The following DPF3 variants were observed in gnomAD, a reference collection of about 807,000 sequenced individuals.
The protein encoded by DPF3 is double PHD fingers 3.
Under a neutral mutation model 56.8 loss-of-function variants are expected in DPF3, and 18 were observed. The ratio of observed to expected loss-of-function variants is 0.32; its 90% confidence interval spans 0.22 to 0.47. DPF3 has a LOEUF of 0.47. DPF3 is among the 20% of genes least tolerant of loss of function. The pLI, the probability that DPF3 is intolerant of heterozygous loss-of-function variation, is 1.00. For synonymous variants in DPF3, 188 were observed against 180.2 expected (o/e 1.04, Z -0.35); for missense variants, 403 against 488.8 (o/e 0.82, Z 1.65).
chr14:72,845,364 G>T (rs544433887), intron 1 of DPF3, among the ~76,000 whole-genome samples: 1 of 151,794 alleles, frequency 6.6e-6, no homozygotes, highest in Non-Finnish European at 1.5e-5. Context: ...ACACCTAGAG[G>T]TCAAGTCCAA....
intron 1 of DPF3, among the ~76,000 whole-genome samples, chr14:72,875,406 C>T (rs962942267): frequency 1.5e-4 from 23 of 151,958 alleles, no homozygotes; most frequent in Non-Finnish European, 2.9e-5. Flanking sequence ...GACCCTGTCT[C>T]AAAAAAAGGA....
Position 72,610,274 on chromosome 14 carries a change from T to C in DPF3, c.*9023A>G, listed in dbSNP as rs912587647. Among the ~76,000 whole-genome samples the C allele has an allele frequency of 2.6e-5, 4 of 152,206 alleles. No individual in the cohort carries two copies. Among genetic ancestry groups the C allele is most frequent in the African/African-American group, 7.2e-5 (3 of 41,466 alleles). On this transcript the variant is annotated 3_prime_UTR_variant, in exon 11 of 11. Coordinates refer to ENST00000556509, the MANE Select transcript of DPF3 (RefSeq NM_001280542.3). ...CAACTAGAGGGCATCCAAGGCCTGG[T>C]GGAGCCTGTGCAGGCCTGAGCTTCC...
In DPF3 at chr14:72,667,129, A is replaced by AT. The variant is rs966944051; in HGVS notation, c.871+7110dup. Among the ~76,000 whole-genome samples, 74 of 151,610 alleles carry AT rather than the reference A, an allele frequency of 4.9e-4. 1 individual carries two copies. Among genetic ancestry groups the AT allele is most frequent in the African/African-American group, 1.5e-3 (61 of 41,324 alleles). ...GGGATGCTATTGATGTGAACATCAC[A>AT]TTTTTTTTTATTAAATTCTTCTCTC... is the stretch of plus-strand genomic sequence containing the variant. On this transcript the variant is annotated intron_variant, in intron 8 of 10. Coordinates refer to ENST00000556509, the MANE Select transcript of DPF3 (RefSeq NM_001280542.3).
At chr14:72,808,676 A>G (rs8003449) in intron 1 of DPF3, among the ~76,000 whole-genome samples, 1,721 of 152,338 alleles carry the variant, frequency 0.011, 29 homozygotes, top group African/African-American at 0.039. Flanking sequence ...GATGCCTCCT[A>G]TTCTGGGAGG....
chr14:72,870,907 T>A (rs1235505674), intron 1 of DPF3, among the ~76,000 whole-genome samples: 2 of 152,200 alleles, frequency 1.3e-5, no homozygotes, highest in Non-Finnish European at 2.9e-5. Context: ...AAACCCTGTC[T>A]CTATTTGTAT....
chr14:72,821,133 C>CAAAA (rs976081670), intron 1 of DPF3, among the ~76,000 whole-genome samples: 49 of 116,890 alleles, frequency 4.2e-4, no homozygotes, highest in South Asian at 1.3e-3. Flanking sequence ...AACTCTATCT[C>CAAAA]AAAAAAAAAA....
chr14:72,671,390 T>C (rs1886669007), intron 8 of DPF3: 3 of 1,599,852 alleles, frequency 1.9e-6, no homozygotes, highest in Admixed American at 1.7e-5. Context: ...CAGACAGCAT[T>C]ATTAATATTC....
chr14:72,749,879 TAAGA>T lies in DPF3; in HGVS notation c.301+3381_301+3384del, dbSNP rs1890493325. Among the ~76,000 whole-genome samples, 3 of 140,412 alleles carry T rather than the reference TAAGA, an allele frequency of 2.1e-5. No homozygotes were observed. The South Asian group carries it at 6.8e-4, about 32-fold the overall frequency. 92.1% of individuals were successfully genotyped at this position (140,412 alleles called of 152,430 possible). On this transcript the variant is annotated intron_variant, in intron 3 of 10. Coordinates refer to ENST00000556509, the MANE Select transcript of DPF3 (RefSeq NM_001280542.3). Reference sequence around the variant, plus strand: ...AAAAAGAAAAGAAAAGAAAAAAAAGTAAGAAAGAGAGAGAGAGGTAAAGAGAGAC... The same window carrying T: ...AAAAAGAAAAGAAAAGAAAAAAAAGTAAGAGAGAGAGAGGTAAAGAGAGAC...
intron 1 of DPF3, chr14:72,853,136 T>C (rs867005778): frequency 2.6e-5 from 4 of 151,936 alleles, no homozygotes; most frequent in African/African-American, 9.7e-5. Context: ...GGGAACAGAA[T>C]GGACAGACAG....
intron 1 of DPF3, among the ~76,000 whole-genome samples, chr14:72,893,660 C>T (rs1886866894): frequency 6.6e-6 from 1 of 151,912 alleles, no homozygotes; most frequent in African/African-American, 2.4e-5. Flanking sequence ...CACTGCCCGA[C>T]GCTCGCCCCC....
In DPF3 at chr14:72,886,526, A is replaced by G. The variant is rs117946451; in HGVS notation, c.32+7531T>C. 2.9e-3 allele frequency among the ~76,000 whole-genome samples: 448 copies of G among 152,292 alleles called. 1 individual carries two copies. The highest frequency in any genetic ancestry group is 5.2e-3 in the Non-Finnish European group (351 of 68,040). On this transcript the variant is annotated intron_variant, in intron 1 of 10. Coordinates refer to ENST00000556509, the MANE Select transcript of DPF3 (RefSeq NM_001280542.3). ...ATTAGAAATAAATGTACTTAATGCCACTGAAATGCACACTTTAAAATGGCT... is the reference window on the plus strand; with the variant it reads ...ATTAGAAATAAATGTACTTAATGCCGCTGAAATGCACACTTTAAAATGGCT...
intron 8 of DPF3, among the ~76,000 whole-genome samples, chr14:72,660,138 G>A (rs1259663583): frequency 2.0e-5 from 3 of 151,914 alleles, no homozygotes; most frequent in Non-Finnish European, 2.9e-5. Context: ...ATGGTTGCAC[G>A]ACAATGTAAA....
At chr14:72,642,903 C>A (rs1037136852) in intron 8 of DPF3, among the ~76,000 whole-genome samples, 6 of 152,232 alleles carry the variant, frequency 3.9e-5, no homozygotes, top group Non-Finnish European at 8.8e-5. Flanking sequence ...TGTTTGGATA[C>A]TTTAATGATC....
intron 1 of DPF3, among the ~76,000 whole-genome samples, chr14:72,805,651 GC>G (rs1172332296): frequency 6.6e-6 from 1 of 152,120 alleles, no homozygotes; most frequent in Non-Finnish European, 1.5e-5. Flanking sequence ...TTCAAGACCA[GC>G]CTGGCCAACA....
chr14:72,826,858 T>C (rs1441673379), intron 1 of DPF3, among the ~76,000 whole-genome samples: 1 of 152,016 alleles, frequency 6.6e-6, no homozygotes, highest in Admixed American at 6.6e-5. Context: ...CTGGCAAAGA[T>C]GGTGAAACCC....
chr14:72,685,074 A>G (rs1029328680), intron 7 of DPF3, among the ~76,000 whole-genome samples: 21 of 152,252 alleles, frequency 1.4e-4, no homozygotes, highest in Non-Finnish European at 2.9e-4. Context: ...AATTGTGAGA[A>G]ATAAATTCCG....
intron 5 of DPF3, among the ~76,000 whole-genome samples, chr14:72,723,161 T>C (rs1027082246): frequency 3.9e-5 from 6 of 152,084 alleles, no homozygotes; most frequent in African/African-American, 1.4e-4. Context: ...ATATTAGGTA[T>C]ATCTCCTAAT....
rs144757228 is a variant in DPF3 at position 72,624,563 on chromosome 14, G to A, written c.985-4579C>T. Among the ~76,000 whole-genome samples the A allele has an allele frequency of 1.8e-3, 272 of 152,038 alleles. 1 individual carries two copies. Among genetic ancestry groups the A allele is most frequent in the Middle Eastern group, 3.4e-3 (1 of 294 alleles). ...CAAGTTGGCCAGGCTGTTCTCCAGC[G>A]CCTGACCTCAGGTAATCCGCCCGCC... On this transcript the variant is annotated intron_variant, in intron 9 of 10. Transcript: ENST00000556509.
intron 2 of DPF3, among the ~76,000 whole-genome samples, chr14:72,768,660 AATT>A (rs1301793530): frequency 6.6e-6 from 1 of 152,166 alleles, no homozygotes; most frequent in Non-Finnish European, 1.5e-5. Flanking sequence ...ATAAAGAAGA[AATT>A]ATATGAATCC....
Sources: allele counts gnomAD v4.1 joint callset (sites outside exome capture counted in the v4.1 genomes callset), GRCh38; gene constraint gnomAD v4.1.1; transcripts MANE v1.5; gene names NCBI Gene and HGNC (gene_info 2026-07-23, HGNC 2026-07-21).